NDST4: variants seen among roughly 807,000 people sequenced by gnomAD.
The protein encoded by NDST4 is N-deacetylase and N-sulfotransferase 4.
In NDST4, 63 loss-of-function variants were observed where a neutral mutation model predicts 100.8. The observed-to-expected ratio is 0.62, with a 90% CI of 0.51 to 0.77. NDST4 has a LOEUF of 0.77. NDST4 is among the 30% of genes least tolerant of loss of function. The probability of loss-of-function intolerance (pLI) is 0.00; values close to 1 mark genes in which losing one functional copy is unlikely to be tolerated. For missense variants in NDST4, 943 were observed against 1,018.4 expected (o/e 0.93, Z 1.01); for synonymous variants, 377 against 361.8 (o/e 1.04, Z -0.48).
intron 6 of NDST4, among the ~76,000 whole-genome samples, chr4:114,926,800 A>C (rs1181596155): frequency 6.6e-6 from 1 of 152,156 alleles, no homozygotes; most frequent in African/African-American, 2.4e-5. Context: ...TATTTAATCC[A>C]GTTTCCTTCC....
chr4:114,827,972 T>C (rs1723116628), intron 13 of NDST4, 37 bp from the exon 14 acceptor site: 1 of 1,570,716 alleles, frequency 6.4e-7, no homozygotes, highest in Non-Finnish European at 8.6e-7. Flanking sequence ...AAGAAGCTCT[T>C]TGTTTCATCA....
At chr4:115,052,956 C>T (rs1047440376) in intron 2 of NDST4, among the ~76,000 whole-genome samples, 1 of 152,096 alleles carries the variant, frequency 6.6e-6, no homozygotes, top group African/African-American at 2.4e-5. Flanking sequence ...CAAACGTAAA[C>T]CACGTTAAAG....
intron 2 of NDST4, among the ~76,000 whole-genome samples, chr4:115,047,086 G>GA (rs920992099): frequency 4.0e-5 from 6 of 151,418 alleles, no homozygotes; most frequent in Non-Finnish European, 7.4e-5. Context: ...AAATCCACTG[G>GA]AAAAAAAATA....
intron 2 of NDST4, among the ~76,000 whole-genome samples, chr4:115,052,886 C>T (rs1326828666): frequency 3.9e-5 from 6 of 151,980 alleles, no homozygotes; most frequent in South Asian, 2.1e-4. Context: ...AAGATATTTA[C>T]GAAAAAACAG....
At chr4:115,040,078 A>G (rs568729862) in intron 2 of NDST4, among the ~76,000 whole-genome samples, 65 of 151,992 alleles carry the variant, frequency 4.3e-4, no homozygotes, top group Non-Finnish European at 9.1e-4. Context: ...TTTATTATTT[A>G]TAGTTTTTGC....
intron 2 of NDST4, among the ~76,000 whole-genome samples, chr4:115,037,982 G>T (rs1433942465): frequency 9.2e-5 from 14 of 152,130 alleles, no homozygotes; most frequent in Admixed American, 8.5e-4. Context: ...GACTATAATT[G>T]CAGCTGAAGG....
intron 3 of NDST4, 50 bp from the exon 4 acceptor site, chr4:114,970,634 T>G (rs767702333): frequency 1.3e-6 from 2 of 1,489,432 alleles, no homozygotes; most frequent in Non-Finnish European, 1.8e-6. Context: ...TCTTACTATC[T>G]TAAAGGTTAT....
chr4:115,057,599 G>A (rs928131568), intron 2 of NDST4, among the ~76,000 whole-genome samples: 1 of 152,032 alleles, frequency 6.6e-6, no homozygotes, highest in Non-Finnish European at 1.5e-5. Context: ...TTAGTTTATA[G>A]TACACATCGA....
intron 1 of NDST4, among the ~76,000 whole-genome samples, chr4:115,104,625 T>C (rs917537447): frequency 3.5e-4 from 53 of 152,288 alleles, no homozygotes; most frequent in African/African-American, 1.3e-3. Flanking sequence ...TATGTTTTCC[T>C]GAAAATTTTT....
chr4:114,963,676 C>A (rs1726316130), intron 4 of NDST4, among the ~76,000 whole-genome samples: 1 of 151,942 alleles, frequency 6.6e-6, no homozygotes, highest in Non-Finnish European at 1.5e-5. Context: ...TTAGTCAGTT[C>A]TAAATACATT....
intron 1 of NDST4, among the ~76,000 whole-genome samples, chr4:115,081,603 A>T (rs530477662): frequency 3.4e-4 from 52 of 152,338 alleles, no homozygotes; most frequent in Admixed American, 3.3e-3. Context: ...GTGTTAAATG[A>T]GTCACATAAA....
chr4:114,945,669 C>T (rs576188573), intron 4 of NDST4, among the ~76,000 whole-genome samples: 2 of 152,220 alleles, frequency 1.3e-5, no homozygotes, highest in Non-Finnish European at 2.9e-5. Flanking sequence ...GTTTCTTCTC[C>T]TAAATGCACA....
At position 115,007,724 on chromosome 4, in the gene NDST4, T is replaced by C. The variant is rs1357300361; in HGVS notation, c.979-30450A>G. Among the ~76,000 whole-genome samples, 2 of 129,618 alleles carry C rather than the reference T, an allele frequency of 1.5e-5. 1 individual carries two copies. The highest frequency in any genetic ancestry group is 3.3e-5 in the Non-Finnish European group (2 of 60,430). The allele number at this position is 129,618 out of a possible 152,430, so 85.0% of individuals were successfully genotyped here. A position where few individuals can be genotyped will look rare whatever the true frequency, so the allele number is the denominator to read the frequency against. On this transcript the variant is annotated intron_variant, in intron 2 of 13. Coordinates refer to ENST00000264363, the MANE Select transcript of NDST4 (RefSeq NM_022569.3). ...AACCAAAATAAAAGACCTCATTAGC[T>C]GATATCTGCTTAGATGCTAAAGACA...
At chr4:114,862,692 T>A (rs578226387) in intron 7 of NDST4, among the ~76,000 whole-genome samples, 2 of 152,254 alleles carry the variant, frequency 1.3e-5, no homozygotes, top group African/African-American at 4.8e-5. Flanking sequence ...TTCACAGAAA[T>A]AAGCAGATTT....
intron 2 of NDST4, among the ~76,000 whole-genome samples, chr4:115,026,642 CT>C (rs947611950): frequency 7.0e-6 from 1 of 143,844 alleles, no homozygotes; most frequent in Non-Finnish European, 1.5e-5. Context: ...GGAGACTTGT[CT>C]TTTTTTGCTC....
At chr4:114,972,962 TAAGA>T (rs1284213115) in intron 3 of NDST4, among the ~76,000 whole-genome samples, 1 of 152,090 alleles carries the variant, frequency 6.6e-6, no homozygotes, top group Non-Finnish European at 1.5e-5. Flanking sequence ...GAGTAACGTT[TAAGA>T]CTTTCCTTTT....
intron 2 of NDST4, among the ~76,000 whole-genome samples, chr4:115,053,357 A>G (rs189217560): frequency 8.5e-4 from 130 of 152,280 alleles, no homozygotes; most frequent in Non-Finnish European, 9.9e-4. Context: ...ATGATGAGAT[A>G]ATTGTCTCAG....
rs760498284 is a variant in NDST4, at chr4:115,022,272, C to T, written c.979-44998G>A. On this transcript the variant is annotated intron_variant, in intron 2 of 13. Coordinates refer to ENST00000264363, the MANE Select transcript of NDST4 (RefSeq NM_022569.3). ...GCACGTTCCATATATATAAGTTCCA[C>T]GTCTATGCACGTTCCACATATATAT... Among the ~76,000 whole-genome samples the T allele has an allele frequency of 2.5e-4, 38 of 151,940 alleles. 1 individual carries two copies. Among genetic ancestry groups the T allele is most frequent in the Admixed American group, 2.2e-3 (33 of 15,224 alleles).
At chr4:114,971,502 A>G (rs936208540) in intron 3 of NDST4, among the ~76,000 whole-genome samples, 4 of 152,290 alleles carry the variant, frequency 2.6e-5, no homozygotes, top group East Asian at 1.9e-4. Context: ...CAATTTTACT[A>G]TATACAGCTG....
Sources: gnomAD v4.1 joint callset for allele counts (sites outside exome capture counted in the v4.1 genomes callset) on GRCh38, gnomAD v4.1.1 for gene constraint, MANE v1.5 for transcripts, NCBI Gene and HGNC (gene_info 2026-07-23, HGNC 2026-07-21) for gene names.